The following MACF1 variants were observed in gnomAD, a reference collection of about 807,000 sequenced individuals.
The protein encoded by MACF1 is microtubule actin crosslinking factor 1.
In MACF1, 193 loss-of-function variants were observed where a neutral mutation model predicts 854.8. The observed-to-expected ratio is 0.23, with a 90% CI of 0.20 to 0.25. MACF1 has a LOEUF of 0.25. MACF1 is among the 10% of genes least tolerant of loss of function. MACF1 has a pLI of 1.00. For synonymous variants in MACF1, 3,185 were observed against 3,226.7 expected (o/e 0.99, Z 0.44); for missense variants, 7,722 against 8,929.1 (o/e 0.86, Z 5.45).
chr1:39,485,609 C>T lies in MACF1; in HGVS notation c.22483C>T (p.Arg7495Ter), dbSNP rs1292773857. The T allele has an allele frequency of 6.2e-7, 1 of 1,614,040 alleles. No individual in the cohort carries two copies. The highest frequency in any genetic ancestry group is 2.2e-5 in the East Asian group (1 of 44,884). The change falls in exon 101 of 101, where the codon CGA becomes TGA. Residue 7495 changes from arginine (R) to a stop codon, truncating the protein, a stop_gained. Transcript: ENST00000564288. LOFTEE classifies it high-confidence loss of function. ...AGCCGGGAGTCGAGCCAGCAGCCGG[C>T]GAGGAAGTGACGCTTCTGACTTTGA... ...SRAGSRASSR[R>*]GSDASDFDLL...
rs776137301 is a variant in MACF1 at position 39,442,762 on chromosome 1, A to G, written c.19153A>G (p.Asn6385Asp). Reference sequence around the variant, plus strand: ...TCATCAAGCCACAGTGGAAACAGTCAACAAAGCTGGCAATGAGCTTCTTGA... The same window carrying G: ...TCATCAAGCCACAGTGGAAACAGTCGACAAAGCTGGCAATGAGCTTCTTGA... ...LAHQATVETV[N>D]KAGNELLESS... Residue 6385 changes from asparagine (N) to aspartate (D), a missense_variant, in exon 78 of 101, where the codon AAC becomes GAC. Physicochemically the swap from Asn to Asp is conservative, Grantham distance 23. This residue lies in a region of MACF1 where 729 missense variants were observed against 900.5 expected (regional missense o/e 0.81). Transcript: ENST00000564288. The G allele has an allele frequency of 6.2e-7, 1 of 1,614,120 alleles. No individual in the cohort carries two copies. Among genetic ancestry groups the G allele is most frequent in the Non-Finnish European group, 8.5e-7 (1 of 1,180,030 alleles).
intron 58 of MACF1, among the ~76,000 whole-genome samples, chr1:39,399,851 T>C (rs1372815850): frequency 2.0e-5 from 3 of 152,256 alleles, no homozygotes; most frequent in East Asian, 1.9e-4. Flanking sequence ...AGTTAGCATA[T>C]TGGTATATAC....
intron 2 of MACF1, among the ~76,000 whole-genome samples, chr1:39,190,972 G>T (rs1349055499): frequency 6.6e-6 from 1 of 152,116 alleles, no homozygotes; most frequent in Non-Finnish European, 1.5e-5. Flanking sequence ...CAGCCTGAGT[G>T]ACAGAGTGAG....
Position 39,357,597 on chromosome 1 carries a change from C to A in MACF1, c.11647C>A (p.Leu3883Met), listed in dbSNP as rs775130984. The A allele has an allele frequency of 8.7e-6, 14 of 1,614,026 alleles. No individual in the cohort carries two copies. The highest frequency in any genetic ancestry group is 1.1e-5 in the Non-Finnish European group (13 of 1,180,040). Residue 3883 changes from leucine (L) to methionine (M), a missense_variant, in exon 45 of 101, where the codon CTG becomes ATG. Leu to Met is a conservative substitution (Grantham distance 15, BLOSUM62 2). This residue lies in a region of MACF1 where 2,807 missense variants were observed against 3,235.8 expected (regional missense o/e 0.87). Transcript: ENST00000564288. ...ACTTCAGGATGAGTTGCAGAAATTT[C>A]TGCAGGATCATAAAGAGTTTGAAAG... ...QTLQDELQKF[L>M]QDHKEFESWL... is the part of the protein sequence containing the mutation.
At chr1:39,092,430 A>AC (rs1471539628) in intron 2 of MACF1, among the ~76,000 whole-genome samples, 6 of 152,096 alleles carry the variant, frequency 3.9e-5, no homozygotes, top group African/African-American at 1.2e-4. Flanking sequence ...TCCTCATAGA[A>AC]CCCTGGGAAG....
chr1:39,437,451 C>T (rs554320636), intron 70 of MACF1, among the ~76,000 whole-genome samples: 34 of 152,090 alleles, frequency 2.2e-4, no homozygotes, highest in African/African-American at 7.7e-4. Context: ...GCTGGGACTA[C>T]GGGCGTGCGC....
intron 1 of MACF1, among the ~76,000 whole-genome samples, chr1:39,218,235 T>TTTAGGA (rs1644603053): frequency 6.6e-6 from 1 of 151,354 alleles, no homozygotes. Context: ...ATGGCTGGTT[T>TTTAGGA]ACAGACTGAT....
chr1:39,422,554 G>A lies in MACF1; in HGVS notation c.15978+19G>A, dbSNP rs758143361. 27 of 1,596,126 alleles carry A rather than the reference G, an allele frequency of 1.7e-5. No homozygotes were observed. The highest frequency in any genetic ancestry group is 2.3e-5 in the Non-Finnish European group (27 of 1,168,640). ...TAAAAAGGTGAGTGACAATGGGGTAGCAAGTGTACTGGAAACGGAAGGCAT... is the reference window on the plus strand; with the variant it reads ...TAAAAAGGTGAGTGACAATGGGGTAACAAGTGTACTGGAAACGGAAGGCAT... On this transcript the variant is annotated intron_variant, in intron 59 of 100. Coordinates refer to ENST00000564288, the MANE Select transcript of MACF1 (RefSeq NM_001394062.1).
At chr1:39,319,609 A>G (rs1024485365) in intron 30 of MACF1, 55 bp from the exon 31 acceptor site, 14 of 1,202,706 alleles carry the variant, frequency 1.2e-5, no homozygotes, top group African/African-American at 9.0e-5. Context: ...GTAAATGTTC[A>G]GCTCTTTCAA....
At chr1:39,215,928 G>A (rs931544172) in intron 1 of MACF1, among the ~76,000 whole-genome samples, 13 of 152,110 alleles carry the variant, frequency 8.5e-5, no homozygotes, top group African/African-American at 3.1e-4. Context: ...AGATGATCTG[G>A]GGTCAGGGAC....
intron 2 of MACF1, among the ~76,000 whole-genome samples, chr1:39,178,404 C>G (rs944469849): frequency 1.3e-5 from 2 of 152,074 alleles, no homozygotes; most frequent in East Asian, 3.8e-4. Flanking sequence ...AGTCTTTGCT[C>G]TTGGGGAAGC....
At chr1:39,160,732 A>G (rs1204884544) in intron 2 of MACF1, among the ~76,000 whole-genome samples, 1 of 152,206 alleles carries the variant, frequency 6.6e-6, no homozygotes, top group Non-Finnish European at 1.5e-5. Context: ...TTAGACAACT[A>G]TTCCCCCAAT....
intron 33 of MACF1, among the ~76,000 whole-genome samples, chr1:39,323,481 A>T: frequency 6.6e-6 from 1 of 151,208 alleles, no homozygotes; most frequent in Non-Finnish European, 1.5e-5. Flanking sequence ...ATTTTATTTG[A>T]GAGACAAGGA....
intron 1 of MACF1, among the ~76,000 whole-genome samples, chr1:39,211,158 G>T (rs986376484): frequency 1.3e-5 from 2 of 152,106 alleles, no homozygotes; most frequent in East Asian, 3.9e-4. Context: ...AGTAGAAGTG[G>T]GGTTTTACCA....
At chr1:39,282,122 C>G in intron 6 of MACF1, 86 bp from the exon 7 acceptor site, 1 of 1,421,020 alleles carries the variant, frequency 7.0e-7, no homozygotes, top group East Asian at 2.3e-5. Flanking sequence ...CTTCGTTTTA[C>G]TAAGAGCCAT....
In MACF1 at chr1:39,331,568, T is replaced by C. The variant is rs1646726365; in HGVS notation, c.4980T>C (p.Gly1660=). The change falls in exon 37 of 101, where the codon GGT becomes GGC. Residue 1660 remains glycine, a synonymous_variant. Coordinates refer to ENST00000564288, the MANE Select transcript of MACF1 (RefSeq NM_001394062.1). The part of the protein sequence containing the change: ...KILEAHLATG[G]FSLSPSENCI... ...TAGAAGCTCACCTGGCAACTGGAGG[T>C]TTCAGTCTTTCCCCTAGTGAGAACT... The C allele has an allele frequency of 1.9e-6, 3 of 1,614,090 alleles. No homozygotes were observed. The highest frequency in any genetic ancestry group is 2.5e-6 in the Non-Finnish European group (3 of 1,180,006).
chr1:39,250,086 C>G lies in MACF1; in HGVS notation c.244C>G (p.Leu82Val), dbSNP rs1645023533. 4.3e-6 allele frequency: 7 copies of G among 1,612,690 alleles called. No individual in the cohort carries two copies. The highest frequency in any genetic ancestry group is 5.9e-6 in the Non-Finnish European group (7 of 1,178,846). The change falls in exon 3 of 101, where the codon CTC (leucine) becomes GTC (valine). Residue 82 changes from leucine (L) to valine (V), a missense_variant. By Grantham distance (32) the Leu-to-Val change is conservative. Coordinates refer to ENST00000564288, the MANE Select transcript of MACF1 (RefSeq NM_001394062.1). ...TAACCTGATCTCTCTGTTGGAGGTC[C>G]TCTCAGGCATCAAACTGGTGAGCTT... The part of the protein sequence containing the change: ...GHNLISLLEV[L>V]SGIKLEPAGL...
Position 39,283,532 on chromosome 1 carries a change from C to T in MACF1, c.915+17C>T. 2 of 1,541,100 alleles carry T rather than the reference C, an allele frequency of 1.3e-6. No homozygotes were observed. Among genetic ancestry groups the T allele is most frequent in the Non-Finnish European group, 1.8e-6 (2 of 1,114,006 alleles). On this transcript the variant is annotated intron_variant, in intron 9 of 100. Coordinates refer to ENST00000564288, the MANE Select transcript of MACF1 (RefSeq NM_001394062.1). This position sits in a 1 kb window ranked among gnomAD's most constrained non-coding sequence, Gnocchi z 4.5. ...AGTGCTACGGTAAAAGAACATTTTC[C>T]TAGAAGGCCTTCTGACTTTGATTCA...
chr1:39,485,454 G>A, intron 100 of MACF1, 84 bp from the exon 101 acceptor site: 1 of 1,413,132 alleles, frequency 7.1e-7, no homozygotes, highest in African/African-American at 1.4e-5. Flanking sequence ...AGATCACACA[G>A]GATCAGAACC....
Sources: allele counts gnomAD v4.1 joint callset (sites outside exome capture counted in the v4.1 genomes callset), GRCh38; gene constraint gnomAD v4.1.1; regional missense constraint gnomAD v4.1.1; non-coding constraint Gnocchi (gnomAD v3.1); transcripts MANE v1.5; gene names NCBI Gene and HGNC (gene_info 2026-07-23, HGNC 2026-07-21).